ATP2C1: variants seen among roughly 807,000 people sequenced by gnomAD.
ATP2C1 encodes ATPase secretory pathway Ca2+ transporting 1, also known as calcium-transporting ATPase type 2C member 1.
ATP2C1 carries 31 observed loss-of-function variants against 120.5 expected under a neutral mutation model. The observed-to-expected ratio is 0.26, with a 90% CI of 0.19 to 0.35. ATP2C1 has a LOEUF of 0.35. Among genes scored for constraint, ATP2C1 ranks in the 10% least tolerant of loss-of-function variants. The probability of loss-of-function intolerance (pLI) is 1.00; values close to 1 mark genes in which losing one functional copy is unlikely to be tolerated. For missense variants in ATP2C1, 731 were observed against 1,107.5 expected (o/e 0.66, Z 4.83); for synonymous variants, 351 against 358.7 (o/e 0.98, Z 0.24).
At chr3:130,853,167 C>A (rs1019192639) in intron 1 of ATP2C1, among the ~76,000 whole-genome samples, 1 of 151,874 alleles carries the variant, frequency 6.6e-6, no homozygotes, top group Non-Finnish European at 1.5e-5. Context: ...TGTCATTAGC[C>A]GTAAGTAAAA....
exon 1 of ATP2C1, chr3:130,850,617 G>T: frequency 2.6e-6 from 1 of 391,538 alleles, no homozygotes; most frequent in Middle Eastern, 5.1e-4. Flanking sequence ...GACGCTTCTA[G>T]ACAGTGTTCA....
At chr3:130,905,319 C>T (rs762709633) in intron 2 of ATP2C1, among the ~76,000 whole-genome samples, 23 of 152,008 alleles carry the variant, frequency 1.5e-4, no homozygotes, top group Non-Finnish European at 2.6e-4. Context: ...GTGATGCTGC[C>T]AGTTCTGTTC....
intron 8 of ATP2C1, among the ~76,000 whole-genome samples, chr3:130,945,017 TA>T (rs2060082287): frequency 6.6e-6 from 1 of 152,220 alleles, no homozygotes; most frequent in Admixed American, 6.5e-5. Flanking sequence ...TTTACTGTTG[TA>T]TTTTTTTTAT....
At chr3:130,949,502 T>C (rs2060281112) in intron 8 of ATP2C1, among the ~76,000 whole-genome samples, 1 of 152,064 alleles carries the variant, frequency 6.6e-6, no homozygotes, top group African/African-American at 2.4e-5. Context: ...CTGTAACATA[T>C]AAGTGCAAGA....
chr3:130,877,031 A>G (rs1274060559), intron 1 of ATP2C1, among the ~76,000 whole-genome samples: 3 of 152,202 alleles, frequency 2.0e-5, no homozygotes, highest in Non-Finnish European at 2.9e-5. Context: ...TTTTCTGTAT[A>G]TAAGATCATG....
At chr3:130,865,939 A>T (rs548464108) in intron 1 of ATP2C1, among the ~76,000 whole-genome samples, 6 of 152,328 alleles carry the variant, frequency 3.9e-5, no homozygotes, top group African/African-American at 1.4e-4. Context: ...TTTAATCCCC[A>T]TAATCATATA....
intron 4 of ATP2C1, among the ~76,000 whole-genome samples, chr3:130,934,376 GTTAA>G (rs1367952408): frequency 7.9e-5 from 12 of 151,898 alleles, no homozygotes; most frequent in African/African-American, 2.9e-4. Flanking sequence ...TAAGGAATTG[GTTAA>G]TTCTTAGTTT....
intron 8 of ATP2C1, among the ~76,000 whole-genome samples, chr3:130,949,973 A>T (rs944485401): frequency 2.0e-5 from 3 of 152,084 alleles, no homozygotes; most frequent in Admixed American, 2.0e-4. Flanking sequence ...TCGAGAGGTG[A>T]TTGCCTTATC....
chr3:130,879,740 G>C (rs1284267599), intron 1 of ATP2C1, among the ~76,000 whole-genome samples: 1 of 152,200 alleles, frequency 6.6e-6, no homozygotes, highest in African/African-American at 2.4e-5. Flanking sequence ...AAGTTGGGTA[G>C]AGTGCTTTGG....
Position 130,940,905 on chromosome 3 carries a change from A to AAT in ATP2C1, c.422+214_422+215insAT, listed in dbSNP as rs1553764018. ...CTAGAGACATGGATGTATTTAACAG[A>AAT]TTTTTTTTTTTTTTTTTTTTTTTTT... On this transcript the variant is annotated intron_variant, in intron 7 of 27. Coordinates refer to ENST00000510168, the MANE Select transcript of ATP2C1 (RefSeq NM_001378687.1). Among the ~76,000 whole-genome samples the AAT allele has an allele frequency of 9.4e-4, 81 of 86,070 alleles. 1 individual carries two copies. Among genetic ancestry groups the AAT allele is most frequent in the African/African-American group, 3.8e-3 (80 of 21,064 alleles). 56.5% of individuals were successfully genotyped at this position (86,070 alleles called of 152,430 possible).
intron 1 of ATP2C1, among the ~76,000 whole-genome samples, chr3:130,855,353 T>C (rs546380734): frequency 2.0e-4 from 30 of 152,288 alleles, no homozygotes; most frequent in Non-Finnish European, 3.7e-4. Context: ...TAAATTAATG[T>C]AATTGAATGG....
intron 1 of ATP2C1, among the ~76,000 whole-genome samples, chr3:130,872,104 T>A (rs1205092430): frequency 6.6e-6 from 1 of 152,068 alleles, no homozygotes; most frequent in Non-Finnish European, 1.5e-5. Flanking sequence ...GTTTATATCA[T>A]CTTCGATAGC....
At position 130,954,993 on chromosome 3, in the gene ATP2C1, T is replaced by G. The variant is rs752386424; in HGVS notation, c.688-19T>G. 1.1e-5 allele frequency: 17 copies of G among 1,591,070 alleles called. No individual in the cohort carries two copies. The highest frequency in any genetic ancestry group is 1.5e-5 in the Non-Finnish European group (17 of 1,159,512). On this transcript the variant is annotated intron_variant, in intron 9 of 27. Coordinates refer to ENST00000510168, the MANE Select transcript of ATP2C1 (RefSeq NM_001378687.1). ...CATTTCATCTGGATGTAAATGTATT[T>G]TCCTGTTTTTCCCCTTAGGGTGTTG...
chr3:131,014,253 G>A (rs767938968), intron 26 of ATP2C1: 2 of 1,613,742 alleles, frequency 1.2e-6, no homozygotes, highest in Non-Finnish European at 8.5e-7. Context: ...TTCAGCGGGG[G>A]CATATGACCT....
chr3:130,938,090 G>A (rs1187616190), intron 6 of ATP2C1, among the ~76,000 whole-genome samples: 1 of 152,130 alleles, frequency 6.6e-6, no homozygotes, highest in Non-Finnish European at 1.5e-5. Flanking sequence ...CCACAAAAGG[G>A]GTGTTGTGAT....
chr3:130,894,656 G>C lies in ATP2C1; in HGVS notation c.-114G>C, dbSNP rs1346385013. 3 of 1,609,034 alleles carry C rather than the reference G, an allele frequency of 1.9e-6. No individual in the cohort carries two copies. In the African/African-American group the frequency reaches 4.0e-5, roughly 22 times the overall value. ...GGCCGGGAGCGGGGGTGACAGCCTG[G>C]GATTCCGGGGGCTTCTCTTCCTTGT... is the stretch of plus-strand genomic sequence containing the variant. On this transcript the variant is annotated 5_prime_UTR_variant, in exon 2 of 28. Coordinates refer to ENST00000510168, the MANE Select transcript of ATP2C1 (RefSeq NM_001378687.1). The surrounding 1 kb of genome is among the most constrained non-coding windows in gnomAD (Gnocchi z 4.5).
chr3:130,878,991 C>A (rs1260369762), intron 1 of ATP2C1, among the ~76,000 whole-genome samples: 1 of 152,174 alleles, frequency 6.6e-6, no homozygotes, highest in Non-Finnish European at 1.5e-5. Context: ...GACCATTCAA[C>A]ATACACTTTC....
chr3:130,864,231 G>C (rs1231817737), intron 1 of ATP2C1, among the ~76,000 whole-genome samples: 2 of 152,232 alleles, frequency 1.3e-5, no homozygotes, highest in Non-Finnish European at 2.9e-5. Context: ...TTAGCAAAGA[G>C]AGTGGCAGCA....
intron 1 of ATP2C1, among the ~76,000 whole-genome samples, chr3:130,867,683 C>T (rs1414824142): frequency 1.3e-5 from 2 of 150,816 alleles, no homozygotes; most frequent in African/African-American, 2.4e-5. Context: ...CCCAAAGAGC[C>T]GAGATTGCAG....
Sources: allele counts gnomAD v4.1 joint callset (sites outside exome capture counted in the v4.1 genomes callset), GRCh38; gene constraint gnomAD v4.1.1; non-coding constraint Gnocchi (gnomAD v3.1); transcripts MANE v1.5; gene names NCBI Gene and HGNC (gene_info 2026-07-23, HGNC 2026-07-21).